RACGAP1: variants seen among roughly 807,000 people sequenced by gnomAD.
RACGAP1 encodes the protein Rac GTPase activating protein 1.
Under a neutral mutation model 78.1 loss-of-function variants are expected in RACGAP1, and 30 were observed. That is an observed-to-expected ratio of 0.38 (90% CI 0.29 to 0.52). The LOEUF (loss-of-function observed/expected upper bound fraction) is 0.52. RACGAP1 is among the 20% of genes least tolerant of loss of function. RACGAP1 has a pLI of 0.82. For missense variants in RACGAP1, 587 were observed against 777.1 expected (o/e 0.76, Z 2.91); for synonymous variants, 231 against 264.8 (o/e 0.87, Z 1.24).
intron 1 of RACGAP1, 121 bp from the exon 2 acceptor site, chr12:50,016,840 A>AC: frequency 7.2e-7 from 1 of 1,392,660 alleles, no homozygotes; most frequent in Non-Finnish European, 9.6e-7. Flanking sequence ...TACCATTATA[A>AC]GAATCTCAAG....
chr12:49,991,479 A>ATATATATATATATATATATAT (rs1555169074), intron 15 of RACGAP1, among the ~76,000 whole-genome samples: 1 of 24,090 alleles, frequency 4.2e-5, no homozygotes. Flanking sequence ...ATATATATAT[A>ATATATATATATATATATATAT]TTTTTTTTTT....
In RACGAP1 at chr12:49,994,400, C is replaced by T. The variant is rs1397632442; in HGVS notation, c.1140+14G>A. 2 of 1,613,464 alleles carry T rather than the reference C, an allele frequency of 1.2e-6. No homozygotes were observed. The highest frequency in any genetic ancestry group is 1.7e-5 in the Admixed American group (1 of 59,854). On this transcript the variant is annotated intron_variant, in intron 11 of 16. Coordinates refer to ENST00000312377, the MANE Select transcript of RACGAP1 (RefSeq NM_001319999.2). ...CAAATAACAAATTCACCATCTCCTACAGTTGACTCTTACCTCAGTCAGACC... is the reference window on the plus strand; with the variant it reads ...CAAATAACAAATTCACCATCTCCTATAGTTGACTCTTACCTCAGTCAGACC...
chr12:49,997,272 C>CTTT (rs540814831), intron 9 of RACGAP1, 68 bp from the exon 10 acceptor site: 322 of 1,158,100 alleles, frequency 2.8e-4, no homozygotes, highest in South Asian at 1.2e-3. Flanking sequence ...AATCAACTAA[C>CTTT]TTTTTTTTTT....
chr12:50,025,206 C>G lies in RACGAP1; in HGVS notation c.-5+192G>C, dbSNP rs1007348582. On this transcript the variant is annotated intron_variant, in intron 1 of 16. Coordinates refer to ENST00000312377, the MANE Select transcript of RACGAP1 (RefSeq NM_001319999.2). ...CCAAGACAGAAGCCCCCGACCCTCC[C>G]AGGCCGCGTCCATTCGACCTGCCAC... 18 of 732,410 alleles carry G rather than the reference C, an allele frequency of 2.5e-5. No homozygotes were observed. The South Asian group carries it at 1.1e-3, about 45-fold the overall frequency. The allele number at this position is 732,410 out of a possible 1,614,324, so 45.4% of individuals were successfully genotyped here. A position where few individuals can be genotyped will look rare whatever the true frequency, so the allele number is the denominator to read the frequency against.
chr12:50,006,355 A>G (rs1323032514), intron 3 of RACGAP1, 79 bp downstream of exon 3: 1 of 1,492,050 alleles, frequency 6.7e-7, no homozygotes, highest in East Asian at 2.3e-5. Flanking sequence ...AACTAGGTAT[A>G]TTTGGCAAGT....
chr12:50,032,234 A>G (rs944886874), intron 1 of RACGAP1, among the ~76,000 whole-genome samples: 1 of 152,210 alleles, frequency 6.6e-6, no homozygotes, highest in African/African-American at 2.4e-5. Flanking sequence ...CACTTAGCAC[A>G]GTTCCTGGCC....
At chr12:50,029,686 G>A (rs1437187663), upstream of RACGAP1, among the ~76,000 whole-genome samples, 1 of 152,172 alleles carries the variant, frequency 6.6e-6, no homozygotes, top group African/African-American at 2.4e-5. Context: ...GAGGTCAGGA[G>A]ATCATGACCA....
chr12:50,001,181 T>C lies in RACGAP1; in HGVS notation c.621A>G (p.Ala207=). The C allele has an allele frequency of 6.2e-7, 1 of 1,602,972 alleles. No homozygotes were observed. The highest frequency in any genetic ancestry group is 1.7e-5 in the Admixed American group (1 of 59,998). Residue 207 remains alanine (A), a synonymous_variant, in exon 7 of 17, where the codon GCA becomes GCG. Transcript: ENST00000312377. The stretch of plus-strand genomic sequence containing the variant: ...GCCTGACTATTCTTACCTGGTCTAC[T>C]GCAGAGCCAATGGAACGAGTTTTCT... ...PVKKTRSIGS[A]VDQGNESIVA... is the part of the protein sequence containing the mutation.
intron 2 of RACGAP1, among the ~76,000 whole-genome samples, chr12:50,015,081 T>C (rs1303437324): frequency 6.7e-6 from 1 of 149,026 alleles, no homozygotes; most frequent in African/African-American, 2.5e-5. Flanking sequence ...GGTTTTGCCA[T>C]GTTGCCCAGG....
chr12:50,005,283 G>A lies in RACGAP1; in HGVS notation c.398C>T (p.Pro133Leu). 1 of 1,614,224 alleles carries A rather than the reference G, an allele frequency of 6.2e-7. No individual in the cohort carries two copies. The highest frequency in any genetic ancestry group is 1.1e-5 in the South Asian group (1 of 91,086). ...SALAFLNRGQ[P>L]SSSNAGNKRL... ...TTTGTTCCCAGCATTGCTGCTGGAT[G>A]GTTGGCCTCTGTTGAGAAAAGCCAG... Residue 133 changes from proline (P) to leucine (L), a missense_variant, in exon 4 of 17, where the codon CCA becomes CTA. Physicochemically the swap from Pro to Leu is moderately conservative, Grantham distance 98. Transcript: ENST00000312377.
At chr12:49,990,955 T>G (rs1224530796) in intron 15 of RACGAP1, among the ~76,000 whole-genome samples, 163 bp from the exon 16 acceptor site, 1 of 152,220 alleles carries the variant, frequency 6.6e-6, no homozygotes, top group Non-Finnish European at 1.5e-5. Flanking sequence ...AACACACTAG[T>G]GTATCTTTTG....
chr12:49,992,674 C>T lies in RACGAP1; in HGVS notation c.1340-19G>A, dbSNP rs1193945661. 2.5e-6 allele frequency: 4 copies of T among 1,592,676 alleles called. No individual in the cohort carries two copies. In the Admixed American group the frequency reaches 5.2e-5, roughly 21 times the overall value. On this transcript the variant is annotated intron_variant, in intron 12 of 16. Coordinates refer to ENST00000312377, the MANE Select transcript of RACGAP1 (RefSeq NM_001319999.2). ...GTGATTTCTGTAATTGAAAAGAAAG[C>T]ACCAAGAGGCCTAGACTTCTTTCCC...
At chr12:50,009,197 C>T (rs961571698) in intron 2 of RACGAP1, among the ~76,000 whole-genome samples, 4 of 142,078 alleles carry the variant, frequency 2.8e-5, no homozygotes, top group Non-Finnish European at 6.0e-5. Flanking sequence ...GAGCTGAGAT[C>T]GTGCCACTGC....
intron 6 of RACGAP1, among the ~76,000 whole-genome samples, 154 bp downstream of exon 6, chr12:50,002,093 A>C (rs1483404268): frequency 6.6e-6 from 1 of 151,760 alleles, no homozygotes; most frequent in Non-Finnish European, 1.5e-5. Context: ...AAAAAAAAGA[A>C]TATCAATACT....
rs145058768 is a variant in RACGAP1, at chr12:50,016,155, G to A, written c.85+476C>T. Among the ~76,000 whole-genome samples the A allele has an allele frequency of 7.8e-3, 1,195 of 152,296 alleles. 9 individuals carry two copies. The highest frequency in any genetic ancestry group is 0.027 in the African/African-American group (1,117 of 41,558). On this transcript the variant is annotated intron_variant, in intron 2 of 16. Coordinates refer to ENST00000312377, the MANE Select transcript of RACGAP1 (RefSeq NM_001319999.2). ...CCAGCACTTTGGGAGGCCGAGGCGGGCGGATCACCTGAGGTCAGAAGTTCA... is the reference window on the plus strand; with the variant it reads ...CCAGCACTTTGGGAGGCCGAGGCGGACGGATCACCTGAGGTCAGAAGTTCA...
At chr12:50,004,146 G>C in intron 5 of RACGAP1, 89 bp downstream of exon 5, 1 of 1,481,006 alleles carries the variant, frequency 6.8e-7, no homozygotes. Flanking sequence ...TAGTAATATA[G>C]GATGTTCAGA....
chr12:49,993,977 G>A (rs987287623), intron 12 of RACGAP1, among the ~76,000 whole-genome samples, 154 bp downstream of exon 12: 1 of 152,170 alleles, frequency 6.6e-6, no homozygotes, highest in Non-Finnish European at 1.5e-5. Flanking sequence ...CCTGGGAGAC[G>A]GAGGTTGCAG....
In RACGAP1 at chr12:50,006,571, G is replaced by A; in HGVS notation, c.151C>T (p.Leu51=). Residue 51 remains leucine (L), a synonymous_variant, in exon 3 of 17, where the codon CTG becomes TTG. Coordinates refer to ENST00000312377, the MANE Select transcript of RACGAP1 (RefSeq NM_001319999.2). ...RKKWQRTDHE[L]GKYKDLLMKA... ...ATCAAAAGATCCTTGTATTTCCCCA[G>A]CTCATGGTCAGTCCTCTGCCACTTT... The A allele has an allele frequency of 6.2e-7, 1 of 1,614,134 alleles. No individual in the cohort carries two copies. The highest frequency in any genetic ancestry group is 8.5e-7 in the Non-Finnish European group (1 of 1,180,022).
At chr12:50,032,103 G>A (rs1243022316) in intron 1 of RACGAP1, among the ~76,000 whole-genome samples, 1 of 151,956 alleles carries the variant, frequency 6.6e-6, no homozygotes, top group African/African-American at 2.4e-5. Context: ...CCAAGATTGT[G>A]TCACAGCACT....
Sources: gnomAD v4.1 joint callset for allele counts (sites outside exome capture counted in the v4.1 genomes callset) on GRCh38, gnomAD v4.1.1 for gene constraint, MANE v1.5 for transcripts, NCBI Gene and HGNC (gene_info 2026-07-23, HGNC 2026-07-21) for gene names.